CWF19L1: variants seen among roughly 807,000 people sequenced by gnomAD.
CWF19L1 encodes the protein CWF19-like protein 1.
CWF19L1 carries 60 observed loss-of-function variants against 69.7 expected under a neutral mutation model. The ratio of observed to expected loss-of-function variants is 0.86; its 90% CI spans 0.70 to 1.07. The LOEUF (loss-of-function observed/expected upper bound fraction) is 1.07, where lower values mean the gene tolerates loss of function less well. Ranked by LOEUF, CWF19L1 falls within the 50% of genes least tolerant of loss-of-function variation. CWF19L1 has a pLI of 0.00. For synonymous variants in CWF19L1, 209 were observed against 222.2 expected (o/e 0.94, Z 0.53); for missense variants, 591 against 638.9 (o/e 0.92, Z 0.81).
Position 100,236,746 on chromosome 10 carries a change from G to C in CWF19L1, c.1374+104C>G, listed in dbSNP as rs1348558153. 3.6e-6 allele frequency: 5 copies of C among 1,371,176 alleles called. No individual in the cohort carries two copies. In the Admixed American group the frequency reaches 7.4e-5, roughly 20 times the overall value. The allele number at this position is 1,371,176 out of a possible 1,614,324, so 84.9% of individuals were successfully genotyped here. Reference sequence around the variant, plus strand: ...GATCATGCCACTGCACTCCAACCTAGGCAACAGAGCAAGACTCTGTCTCAA... The same window carrying C: ...GATCATGCCACTGCACTCCAACCTACGCAACAGAGCAAGACTCTGTCTCAA... On this transcript the variant is annotated intron_variant, in intron 12 of 13. Transcript: ENST00000354105.
intron 13 of CWF19L1, among the ~76,000 whole-genome samples, chr10:100,234,680 G>C (rs1365794533): frequency 6.6e-6 from 1 of 152,114 alleles, no homozygotes; most frequent in Non-Finnish European, 1.5e-5. Context: ...TTAACTAGGG[G>C]AGAAAAAACA....
At position 100,246,802 on chromosome 10, in the gene CWF19L1, G is replaced by A; in HGVS notation, c.842C>T (p.Ala281Val). 6.2e-7 allele frequency: 1 copy of A among 1,613,282 alleles called. No homozygotes were observed. The highest frequency in any genetic ancestry group is 8.5e-7 in the Non-Finnish European group (1 of 1,179,442). ...QEASIGKQIL[A>V]PVEESACQFF... ...CCCTCAATCAGAACATACCACAGGG[G>A]CAAGAATTTGCTTTCCTATGGATGC... The change falls in exon 8 of 14, where the codon GCC becomes GTC. Residue 281 changes from alanine to valine, a missense_variant. This residue lies in a region of CWF19L1 where 458 missense variants were observed against 489.3 expected (regional missense o/e 0.94). Coordinates refer to ENST00000354105, the MANE Select transcript of CWF19L1 (RefSeq NM_018294.6).
chr10:100,259,446 G>A (rs1847321189), intron 4 of CWF19L1, among the ~76,000 whole-genome samples: 3 of 152,116 alleles, frequency 2.0e-5, no homozygotes. Flanking sequence ...CTAAAAACCT[G>A]AGTTGCCAAA....
At chr10:100,264,070 G>A (rs888100547) in intron 1 of CWF19L1, among the ~76,000 whole-genome samples, 2 of 152,122 alleles carry the variant, frequency 1.3e-5, no homozygotes, top group Admixed American at 1.3e-4. Flanking sequence ...AATTCCTATC[G>A]CCTAGTGATG....
intron 7 of CWF19L1, among the ~76,000 whole-genome samples, chr10:100,249,813 T>G (rs1846963731): frequency 6.6e-6 from 1 of 152,212 alleles, no homozygotes; most frequent in South Asian, 2.1e-4. Context: ...CTCAAACTCC[T>G]GGCCTCAAGT....
intron 1 of CWF19L1, among the ~76,000 whole-genome samples, chr10:100,266,113 C>G (rs765843257): frequency 1.3e-5 from 2 of 151,966 alleles, no homozygotes; most frequent in Non-Finnish European, 2.9e-5. Context: ...TGACTCCTAT[C>G]ATTAAGCCAA....
intron 4 of CWF19L1, among the ~76,000 whole-genome samples, chr10:100,257,713 AT>A (rs1442601500): frequency 3.3e-5 from 5 of 152,106 alleles, no homozygotes; most frequent in African/African-American, 1.2e-4. Context: ...AGTAGATTCC[AT>A]GAAGTTGACA....
chr10:100,248,554 G>A (rs761135933), intron 7 of CWF19L1: 3 of 722,228 alleles, frequency 4.2e-6, no homozygotes, highest in South Asian at 1.5e-5. Context: ...GGGGCCTGTC[G>A]CTAGCCAGCT....
chr10:100,265,573 T>A (rs1589637889), intron 1 of CWF19L1, among the ~76,000 whole-genome samples: 1 of 148,746 alleles, frequency 6.7e-6, no homozygotes, highest in Non-Finnish European at 1.5e-5. Flanking sequence ...CAGGCTGGAG[T>A]GCAGTGGTGC....
Position 100,238,107 on chromosome 10 carries a change from G to A in CWF19L1, c.1169C>T (p.Ala390Val). Residue 390 changes from alanine to valine, a missense_variant, in exon 11 of 14, where the codon GCC (alanine) becomes GTC (valine). Ala to Val is a moderately conservative substitution (Grantham distance 64). This residue lies in a region of CWF19L1 where 458 missense variants were observed against 489.3 expected (regional missense o/e 0.94). Transcript: ENST00000354105. ...ACTCTTAAAGAACCGTCTCAGAGTGGCCTTATACTTCTCCACCTCTTCTAC... is the reference window on the plus strand; with the variant it reads ...ACTCTTAAAGAACCGTCTCAGAGTGACCTTATACTTCTCCACCTCTTCTAC... ...EVVEEVEKYK[A>V]TLRRFFKSRG... 6.2e-7 allele frequency: 1 copy of A among 1,614,098 alleles called. No homozygotes were observed. The highest frequency in any genetic ancestry group is 2.2e-5 in the East Asian group (1 of 44,890).
chr10:100,247,028 T>C (rs1846848823), intron 7 of CWF19L1, 93 bp from the exon 8 acceptor site: 1 of 1,190,076 alleles, frequency 8.4e-7, no homozygotes. Context: ...ACAGAAAACA[T>C]GTGAAACTCA....
In CWF19L1 at chr10:100,232,483, G is replaced by C. The variant is rs1032607916; in HGVS notation, c.*744C>G. On this transcript the variant is annotated 3_prime_UTR_variant, in exon 14 of 14. Transcript: ENST00000354105. ...GCTGGAGTGCAATGGAGCGATCTTG[G>C]CTCACTGCAACCTCCACCTCCCAGG... The C allele has an allele frequency of 1.3e-5, 2 of 152,346 alleles. No homozygotes were observed. The highest frequency in any genetic ancestry group is 4.8e-5 in the African/African-American group (2 of 41,440). The allele number at this position is 152,346 out of a possible 1,614,324, so 9.4% of individuals were successfully genotyped here.
chr10:100,237,929 G>A lies in CWF19L1; in HGVS notation c.1254+93C>T, dbSNP rs1013873834. The stretch of plus-strand genomic sequence containing the variant: ...CTCCCAAAGTGCTAGGATTACAGGC[G>A]TGAGCCACCTCGCCCAGCCTATTTA... On this transcript the variant is annotated intron_variant, in intron 11 of 13. Transcript: ENST00000354105. 269 of 1,257,214 alleles carry A rather than the reference G, an allele frequency of 2.1e-4. 1 individual carries two copies. Among genetic ancestry groups the A allele is most frequent in the Middle Eastern group, 2.1e-4 (1 of 4,870 alleles). 77.9% of individuals were successfully genotyped at this position (1,257,214 alleles called of 1,614,324 possible).
intron 4 of CWF19L1, among the ~76,000 whole-genome samples, chr10:100,258,906 A>T (rs1353493217): frequency 3.5e-5 from 2 of 56,500 alleles, no homozygotes; most frequent in Non-Finnish European, 1.2e-4. Context: ...AAATTCAACT[A>T]AAAAAAAAAA....
chr10:100,253,525 G>A lies in CWF19L1; in HGVS notation c.519C>T (p.Thr173=). 1 of 1,611,488 alleles carries A rather than the reference G, an allele frequency of 6.2e-7. No homozygotes were observed. The highest frequency in any genetic ancestry group is 8.5e-7 in the Non-Finnish European group (1 of 1,177,770). ...NFGNSSGEVD[T]KKCGSALVSS... ...AAACCAAAGCAGAACCACATTTTTT[G>A]GTATCCACTTCTCCCTAGTAAACAA... Residue 173 remains threonine, a synonymous_variant, in exon 6 of 14, where the codon ACC becomes ACT. Transcript: ENST00000354105.
At chr10:100,267,336 G>A (rs1564866798) in intron 1 of CWF19L1, 2 of 731,212 alleles carry the variant, frequency 2.7e-6, no homozygotes, top group Admixed American at 6.3e-5. Context: ...CTAACTCTGG[G>A]AGCTTCCGCC....
chr10:100,245,740 G>A, intron 9 of CWF19L1, 59 bp downstream of exon 9: 2 of 1,385,822 alleles, frequency 1.4e-6, no homozygotes, highest in Non-Finnish European at 2.0e-6. Flanking sequence ...GCTTTCCAAA[G>A]AAAAGCCAAA....
At position 100,238,206 on chromosome 10, in the gene CWF19L1, C is replaced by A. The variant is rs1846514750; in HGVS notation, c.1070G>T (p.Gly357Val). The A allele has an allele frequency of 6.2e-7, 1 of 1,614,064 alleles. No individual in the cohort carries two copies. Among genetic ancestry groups the A allele is most frequent in the East Asian group, 2.2e-5 (1 of 44,900 alleles). ...THCYLALAKG[G>V]LSDDHVLILP... ...GATGAGGACATGGTCATCAGATAAG[C>A]CTCCTTTGGCCAGGGCAAGGTAGCA... The change falls in exon 11 of 14, where the codon GGC (glycine) becomes GTC (valine). Residue 357 changes from glycine to valine, a missense_variant. Gly to Val is a moderately radical substitution (Grantham distance 109, BLOSUM62 -3). Transcript: ENST00000354105.
At chr10:100,260,834 G>T (rs1847376498) in intron 3 of CWF19L1, 132 bp downstream of exon 3, 1 of 665,758 alleles carries the variant, frequency 1.5e-6, no homozygotes, top group Non-Finnish European at 2.5e-6. Flanking sequence ...TCTTAATAAT[G>T]AAAAGCAACT....
Sources: gnomAD v4.1 joint callset for allele counts (sites outside exome capture counted in the v4.1 genomes callset) on GRCh38, gnomAD v4.1.1 for gene constraint, gnomAD v4.1.1 regional missense constraint, MANE v1.5 for transcripts, NCBI Gene and HGNC (gene_info 2026-07-23, HGNC 2026-07-21) for gene names.